HBS1L: variants seen among roughly 807,000 people sequenced by gnomAD.
HBS1L encodes the protein HBS1-like protein.
A neutral mutation model predicts 88.9 loss-of-function variants in HBS1L; 55 were observed. The ratio of observed to expected loss-of-function variants is 0.62; its 90% CI spans 0.50 to 0.77. The LOEUF is 0.77. HBS1L is among the 30% of genes least tolerant of loss of function. HBS1L has a pLI of 0.00. For missense variants in HBS1L, 741 were observed against 829.3 expected (o/e 0.89, Z 1.31); for synonymous variants, 267 against 288.5 (o/e 0.93, Z 0.76).
chr6:135,050,781 C>CA (rs1777057200), intron 1 of HBS1L, 134 bp from the exon 2 acceptor site: 3 of 601,452 alleles, frequency 5.0e-6, no homozygotes, highest in Non-Finnish European at 8.8e-6. Context: ...TGTCTATTTT[C>CA]AAAAAAACTC....
At chr6:135,017,764 G>A (rs1415175232) in intron 4 of HBS1L, among the ~76,000 whole-genome samples, 1 of 151,906 alleles carries the variant, frequency 6.6e-6, no homozygotes, top group African/African-American at 2.4e-5. Context: ...AAAATCATGA[G>A]TGACCTTTTT....
At chr6:134,981,455 T>C (rs1376170398) in intron 13 of HBS1L, among the ~76,000 whole-genome samples, 13 of 151,972 alleles carry the variant, frequency 8.6e-5, no homozygotes, top group African/African-American at 2.9e-4. Flanking sequence ...GGTTAAACCA[T>C]GTAACTTCAA....
At chr6:135,036,997 T>C in intron 4 of HBS1L, 1 of 1,551,512 alleles carries the variant, frequency 6.4e-7, no homozygotes, top group Non-Finnish European at 8.7e-7. Context: ...AATATTTGAA[T>C]CTATTCCAGG....
intron 13 of HBS1L, among the ~76,000 whole-genome samples, chr6:134,981,808 A>G (rs765716207): frequency 3.2e-4 from 48 of 152,100 alleles, no homozygotes; most frequent in Admixed American, 7.2e-4. Flanking sequence ...AACATATAAC[A>G]TGTATACATA....
chr6:134,981,492 A>G (rs1489961668), intron 13 of HBS1L, among the ~76,000 whole-genome samples: 1 of 151,948 alleles, frequency 6.6e-6, no homozygotes, highest in Non-Finnish European at 1.5e-5. Flanking sequence ...AAACTTTTCA[A>G]GAAATCTTCT....
intron 4 of HBS1L, among the ~76,000 whole-genome samples, chr6:135,020,107 C>A (rs564367504): frequency 7.8e-5 from 11 of 140,816 alleles, no homozygotes; most frequent in African/African-American, 2.1e-4. Context: ...GAGAAAGGGG[C>A]AACAGGTAAA....
Position 134,979,175 on chromosome 6 carries a change from C to T in HBS1L, c.1688+3G>A, listed in dbSNP as rs1228213447. ...GGTTGCTTAAACTCATTTTCTCACT[C>T]ACTTGATTTTGATGATATCCATCCC... On this transcript the variant is annotated splice_donor_region_variant and intron_variant, in intron 14 of 17. Coordinates refer to ENST00000367837, the MANE Select transcript of HBS1L (RefSeq NM_006620.4). 6.2e-7 allele frequency: 1 copy of T among 1,605,254 alleles called. No homozygotes were observed. The highest frequency in any genetic ancestry group is 1.7e-5 in the Admixed American group (1 of 59,822).
At position 135,054,820 on chromosome 6, in the gene HBS1L, GC is replaced by G; in HGVS notation, c.-130del. 8.7e-7 allele frequency: 1 copy of G among 1,144,758 alleles called. No individual in the cohort carries two copies. Among genetic ancestry groups the G allele is most frequent in the Non-Finnish European group, 1.3e-6 (1 of 795,318 alleles). The allele number at this position is 1,144,758 out of a possible 1,614,324, so 70.9% of individuals were successfully genotyped here. On this transcript the variant is annotated 5_prime_UTR_variant, in exon 1 of 18. Coordinates refer to ENST00000367837, the MANE Select transcript of HBS1L (RefSeq NM_006620.4). ...ATCTTGGCTTCCCGCAGGCCTCTGCGCCGAGCGCCTGCGCAAGCGCGACGTC... is the reference window on the plus strand; with the variant it reads ...ATCTTGGCTTCCCGCAGGCCTCTGCGCGAGCGCCTGCGCAAGCGCGACGTC...
chr6:135,012,938 A>G (rs926126304), intron 4 of HBS1L, among the ~76,000 whole-genome samples: 1 of 152,218 alleles, frequency 6.6e-6, no homozygotes, highest in Non-Finnish European at 1.5e-5. Context: ...CCTCTGAGGT[A>G]ATTACCAACA....
At chr6:135,035,381 C>CGG (rs1776503957) in intron 4 of HBS1L, among the ~76,000 whole-genome samples, 2 of 151,466 alleles carry the variant, frequency 1.3e-5, no homozygotes, top group African/African-American at 4.9e-5. Flanking sequence ...ACCCGGGAGG[C>CGG]GGAGGCTGCA....
intron 4 of HBS1L, chr6:135,036,827 T>C (rs765449398): frequency 6.3e-5 from 97 of 1,551,744 alleles, no homozygotes; most frequent in Non-Finnish European, 8.1e-5. Context: ...GGTGGTTTCC[T>C]AGTCAGAGAG....
At chr6:135,036,389 G>C (rs1307832271) in intron 4 of HBS1L, 1 of 1,304,700 alleles carries the variant, frequency 7.7e-7, no homozygotes, top group East Asian at 2.9e-5. Flanking sequence ...ACTGAAAGAA[G>C]ACATAGTTAA....
At chr6:135,016,647 C>T (rs1775930987) in intron 4 of HBS1L, among the ~76,000 whole-genome samples, 1 of 152,092 alleles carries the variant, frequency 6.6e-6, no homozygotes, top group East Asian at 1.9e-4. Flanking sequence ...CATATCAAGC[C>T]TTTATTGCAT....
intron 11 of HBS1L, among the ~76,000 whole-genome samples, chr6:134,985,734 A>C (rs553240714): frequency 5.9e-5 from 9 of 152,296 alleles, no homozygotes; most frequent in Non-Finnish European, 1.3e-4. Flanking sequence ...CCAAAAAAAA[A>C]ATTTCAGACC....
intron 13 of HBS1L, 72 bp from the exon 14 acceptor site, chr6:134,979,340 G>T: frequency 8.8e-7 from 1 of 1,130,892 alleles, no homozygotes; most frequent in Non-Finnish European, 1.3e-6. Context: ...AACAGAGTTT[G>T]GCTGATTTGT....
intron 4 of HBS1L, among the ~76,000 whole-genome samples, chr6:135,038,644 A>C (rs1583149462): frequency 6.6e-6 from 1 of 152,222 alleles, no homozygotes; most frequent in East Asian, 1.9e-4. Flanking sequence ...ACACTGACAT[A>C]GTAAACAAAT....
intron 5 of HBS1L, among the ~76,000 whole-genome samples, chr6:135,000,023 T>C (rs1775403807): frequency 6.6e-6 from 1 of 152,052 alleles, no homozygotes; most frequent in Non-Finnish European, 1.5e-5. Flanking sequence ...AGGTGCTTTC[T>C]GGTATCATTT....
chr6:135,010,256 G>A (rs1473108271), intron 4 of HBS1L, among the ~76,000 whole-genome samples: 7 of 152,100 alleles, frequency 4.6e-5, no homozygotes, highest in Admixed American at 6.5e-5. Context: ...CCTAGTCATC[G>A]GATATTTCAG....
At chr6:134,992,280 T>A (rs981485671) in intron 8 of HBS1L, among the ~76,000 whole-genome samples, 1 of 152,092 alleles carries the variant, frequency 6.6e-6, no homozygotes, top group Non-Finnish European at 1.5e-5. Flanking sequence ...GACGTTTTGG[T>A]CAACCATGGA....
Sources: gnomAD v4.1 joint callset for allele counts (sites outside exome capture counted in the v4.1 genomes callset) on GRCh38, gnomAD v4.1.1 for gene constraint, MANE v1.5 for transcripts, NCBI Gene and HGNC (gene_info 2026-07-23, HGNC 2026-07-21) for gene names.